The following DCTN4 variants were observed in gnomAD, a reference collection of about 807,000 sequenced individuals.
The protein encoded by DCTN4 is dynactin 4 (p62).
DCTN4 carries 23 observed loss-of-function variants against 62.7 expected under a neutral mutation model. That is an observed-to-expected ratio of 0.37 (90% CI 0.26 to 0.52). The LOEUF is 0.52. DCTN4 is among the 20% of genes least tolerant of loss of function. The pLI, the probability that DCTN4 is intolerant of heterozygous loss-of-function variation, is 0.92. For synonymous variants in DCTN4, 199 were observed against 202.1 expected (o/e 0.98, Z 0.13); for missense variants, 514 against 580.4 (o/e 0.89, Z 1.18).
At chr5:150,758,811 G>A (rs781031158) in intron 1 of DCTN4, 48 bp downstream of exon 1, 6 of 1,600,196 alleles carry the variant, frequency 3.7e-6, no homozygotes, top group South Asian at 2.2e-5. Flanking sequence ...TAGCATGAAC[G>A]CCGCGCCCCC....
At chr5:150,711,729 A>G (rs1449567365) in intron 12 of DCTN4, among the ~76,000 whole-genome samples, 1 of 152,130 alleles carries the variant, frequency 6.6e-6, no homozygotes, top group African/African-American at 2.4e-5. Flanking sequence ...CACGTTGCCC[A>G]GGCTGGTCTC....
chr5:150,715,562 C>T lies in DCTN4; in HGVS notation c.1169+3G>A, dbSNP rs752992375. 1.2e-6 allele frequency: 2 copies of T among 1,612,852 alleles called. No homozygotes were observed. Among genetic ancestry groups the T allele is most frequent in the Non-Finnish European group, 1.7e-6 (2 of 1,178,908 alleles). ...GTATGGGGATCACAAAAAGATCACT[C>T]ACTCAGGATCGTCCTGAAAGTCTTG... On this transcript the variant is annotated splice_donor_region_variant and intron_variant, in intron 12 of 12. Coordinates refer to ENST00000447998, the MANE Select transcript of DCTN4 (RefSeq NM_016221.4).
chr5:150,737,830 A>T (rs1025173856), intron 4 of DCTN4, among the ~76,000 whole-genome samples: 11 of 152,178 alleles, frequency 7.2e-5, no homozygotes, highest in Non-Finnish European at 1.2e-4. Flanking sequence ...TGAAACGAAA[A>T]GCTGGCTCTT....
intron 12 of DCTN4, among the ~76,000 whole-genome samples, chr5:150,715,192 A>G (rs570714389): frequency 6.6e-6 from 1 of 152,170 alleles, no homozygotes; most frequent in Non-Finnish European, 1.5e-5. Flanking sequence ...CCGATGATCA[A>G]TCTCTAGGGA....
At chr5:150,724,731 T>C (rs1343386966) in intron 8 of DCTN4, among the ~76,000 whole-genome samples, 3 of 152,216 alleles carry the variant, frequency 2.0e-5, no homozygotes, top group Non-Finnish European at 4.4e-5. Context: ...TAACAAATTT[T>C]CTCATATGCA....
intron 8 of DCTN4, among the ~76,000 whole-genome samples, chr5:150,729,037 A>G (rs570110998): frequency 1.5e-3 from 159 of 104,576 alleles, no homozygotes; most frequent in Admixed American, 2.5e-3. Context: ...GAACCACCAC[A>G]CTGGCTTTTT....
At chr5:150,734,505 A>C (rs890522158) in intron 4 of DCTN4, 13 of 152,224 alleles carry the variant, frequency 8.5e-5, no homozygotes, top group African/African-American at 2.9e-4. Context: ...AGCCCAGGGA[A>C]GTCATTTCTG....
chr5:150,729,275 G>A (rs535049297), intron 8 of DCTN4, among the ~76,000 whole-genome samples: 28 of 151,332 alleles, frequency 1.9e-4, no homozygotes, highest in African/African-American at 5.8e-4. Flanking sequence ...ATTTTCTAAC[G>A]TGTACAAAAA....
At chr5:150,746,556 C>A (rs993920929) in intron 3 of DCTN4, among the ~76,000 whole-genome samples, 1 of 152,054 alleles carries the variant, frequency 6.6e-6, no homozygotes, top group Non-Finnish European at 1.5e-5. Context: ...ACTGGCAAAC[C>A]GAATGCAGCA....
chr5:150,744,010 C>T (rs1470373877), intron 3 of DCTN4, among the ~76,000 whole-genome samples: 2 of 152,080 alleles, frequency 1.3e-5, no homozygotes, highest in Admixed American at 6.5e-5. Flanking sequence ...GGAGGAAATT[C>T]GAACCAAAGG....
intron 4 of DCTN4, among the ~76,000 whole-genome samples, chr5:150,735,980 T>C (rs926121331): frequency 6.8e-6 from 1 of 146,170 alleles, no homozygotes; most frequent in Admixed American, 6.8e-5. Context: ...GCATAAATAA[T>C]AAACAATCAC....
rs555202550 is a variant in DCTN4, at chr5:150,730,600, A to C, written c.834+31T>G. Reference sequence around the variant, plus strand: ...ATTTATTTTTGCTTTCCTCTTGTACAAATGGTCAGTCTACAGAATGGAATA... The same window carrying C: ...ATTTATTTTTGCTTTCCTCTTGTACCAATGGTCAGTCTACAGAATGGAATA... On this transcript the variant is annotated intron_variant, in intron 8 of 12. Transcript: ENST00000447998. 22 of 1,590,596 alleles carry C rather than the reference A, an allele frequency of 1.4e-5. No homozygotes were observed. The South Asian group carries it at 2.3e-4, about 17-fold the overall frequency.
intron 3 of DCTN4, among the ~76,000 whole-genome samples, chr5:150,744,459 A>T (rs200179905): frequency 1.3e-5 from 2 of 152,038 alleles, no homozygotes; most frequent in African/African-American, 4.8e-5. Flanking sequence ...GATACTCCTC[A>T]AGAAGAGCAA....
chr5:150,745,394 T>C (rs1760923412), intron 3 of DCTN4, among the ~76,000 whole-genome samples: 1 of 151,334 alleles, frequency 6.6e-6, no homozygotes, highest in Admixed American at 6.6e-5. Context: ...AGACAGAAAG[T>C]TAACAAGGAT....
chr5:150,741,909 A>G (rs960911532), intron 4 of DCTN4, among the ~76,000 whole-genome samples: 6 of 152,238 alleles, frequency 3.9e-5, no homozygotes, highest in African/African-American at 1.4e-4. Flanking sequence ...CTAAAGCTAC[A>G]CCTAGGATTC....
intron 9 of DCTN4, among the ~76,000 whole-genome samples, chr5:150,722,393 T>C (rs1759986208): frequency 6.6e-6 from 1 of 152,202 alleles, no homozygotes; most frequent in African/African-American, 2.4e-5. Flanking sequence ...TGTCTCTAAT[T>C]AGGACCATTC....
chr5:150,721,741 T>C (rs570861302), intron 9 of DCTN4, among the ~76,000 whole-genome samples: 1 of 152,252 alleles, frequency 6.6e-6, no homozygotes, highest in Non-Finnish European at 1.5e-5. Context: ...CCTGGGATAT[T>C]AAACTTTTGT....
intron 4 of DCTN4, among the ~76,000 whole-genome samples, chr5:150,740,224 G>GA (rs979150527): frequency 4.6e-5 from 7 of 151,324 alleles, no homozygotes; most frequent in East Asian, 1.9e-4. Flanking sequence ...AAATCAGCAA[G>GA]AAAAAAAACA....
In DCTN4 at chr5:150,759,000, G is replaced by A. The variant is rs1752965818; in HGVS notation, c.-7C>T. On this transcript the variant is annotated 5_prime_UTR_variant, in exon 1 of 13. Coordinates refer to ENST00000447998, the MANE Select transcript of DCTN4 (RefSeq NM_016221.4). ...ACTGCAGCAAGGACGCCATCTTGGG[G>A]AGGGAGGAGGCGATGACGCTCCCGG... 6.2e-7 allele frequency: 1 copy of A among 1,613,250 alleles called. No individual in the cohort carries two copies. Among genetic ancestry groups the A allele is most frequent in the Non-Finnish European group, 8.5e-7 (1 of 1,179,332 alleles).
Sources: gnomAD v4.1 joint callset for allele counts (sites outside exome capture counted in the v4.1 genomes callset) on GRCh38, gnomAD v4.1.1 for gene constraint, MANE v1.5 for transcripts, NCBI Gene and HGNC (gene_info 2026-07-23, HGNC 2026-07-21) for gene names.